Variants in SORCS1 observed in about 807,000 individuals in gnomAD.
SORCS1 encodes sortilin related VPS10 domain containing receptor 1.
SORCS1 carries 60 observed loss-of-function variants against 146.1 expected under a neutral mutation model. That is an observed-to-expected ratio of 0.41 (90% confidence interval 0.33 to 0.51). SORCS1 has a LOEUF of 0.51. SORCS1 is among the 20% of genes least tolerant of loss of function. The pLI is 0.21. For synonymous variants in SORCS1, 637 were observed against 584.0 expected, an observed-to-expected ratio of 1.09 and a Z score of -1.31; for missense variants, 1,352 against 1,487.6, an observed-to-expected ratio of 0.91 and a Z score of 1.50.
chr10:106,627,047 G>T (rs755399026), intron 19 of SORCS1, among the ~76,000 whole-genome samples: 5 of 152,194 alleles, frequency 3.3e-5, no homozygotes, highest in Non-Finnish European at 7.3e-5. Context: ...GAAGAAACTG[G>T]TTTCTTTTAG....
Position 107,109,767 on chromosome 10 carries a change from T to C in SORCS1, c.558+54202A>G, listed in dbSNP as rs537069775. ...TCCTTTCTGTGTCACGTGGCTAGGC[T>C]GCAGATTTTCTAAACTTTTACATTC... On this transcript the variant is annotated intron_variant, in intron 1 of 25. Transcript: ENST00000263054. Among the ~76,000 whole-genome samples the C allele has an allele frequency of 2.0e-5, 3 of 152,358 alleles. No individual in the cohort carries two copies. In the East Asian group the frequency reaches 5.8e-4, roughly 29 times the overall value.
intron 2 of SORCS1, among the ~76,000 whole-genome samples, chr10:106,881,416 G>A (rs75814757): frequency 0.038 from 5,722 of 152,248 alleles, 139 homozygotes; most frequent in Middle Eastern, 0.058. Context: ...AGAAACAAAA[G>A]CTCCAAAGGT....
chr10:107,051,361 G>C (rs1325517129), intron 1 of SORCS1, among the ~76,000 whole-genome samples: 1 of 152,072 alleles, frequency 6.6e-6, no homozygotes, highest in Non-Finnish European at 1.5e-5. Context: ...TCTGAGCTGA[G>C]AGCCATTTTG....
rs996890690 is a variant in SORCS1 at position 107,067,387 on chromosome 10, A to T, written c.558+96582T>A. Among the ~76,000 whole-genome samples, 3 of 152,046 alleles carry T rather than the reference A, an allele frequency of 2.0e-5. No individual in the cohort carries two copies. In the East Asian group the frequency reaches 5.8e-4, roughly 29 times the overall value. On this transcript the variant is annotated intron_variant, in intron 1 of 25. Transcript: ENST00000263054. ...CTAATCCTTGCGTGTATCTGGGAAAAGATCATATTGGCCTCATAGACTTGT... is the reference window on the plus strand; with the variant it reads ...CTAATCCTTGCGTGTATCTGGGAAATGATCATATTGGCCTCATAGACTTGT...
chr10:106,820,438 G>C (rs983002240), intron 3 of SORCS1, among the ~76,000 whole-genome samples: 2 of 152,132 alleles, frequency 1.3e-5, no homozygotes, highest in Non-Finnish European at 2.9e-5. Flanking sequence ...ATGCTTTGAG[G>C]AACAAAGGGA....
upstream of SORCS1, among the ~76,000 whole-genome samples, chr10:107,165,323 T>TGTGTGTGTGTGTGTGTGTGTG (rs1970017278): frequency 4.1e-5 from 3 of 72,530 alleles, no homozygotes; most frequent in African/African-American, 1.6e-4. The surrounding 1 kb of genome is among the most constrained non-coding windows in gnomAD (Gnocchi z 4.0). Context: ...GTGTGTGTGT[T>TGTGTGTGTGTGTGTGTGTGTG]AGTTTGGGGG....
chr10:106,788,853 C>T (rs1477174280), intron 3 of SORCS1, among the ~76,000 whole-genome samples: 4 of 152,212 alleles, frequency 2.6e-5, no homozygotes, highest in African/African-American at 7.2e-5. Context: ...TAGGCAGTGC[C>T]CCAGTGGGCA....
intron 1 of SORCS1, among the ~76,000 whole-genome samples, chr10:107,025,835 G>T (rs1365538659): frequency 1.3e-5 from 2 of 152,162 alleles, no homozygotes; most frequent in East Asian, 1.9e-4. Context: ...ATCTGACAAC[G>T]GCAGTCAGCA....
intron 1 of SORCS1, among the ~76,000 whole-genome samples, chr10:107,013,434 G>A (rs1179474318): frequency 6.6e-6 from 1 of 152,042 alleles, no homozygotes; most frequent in Non-Finnish European, 1.5e-5. Flanking sequence ...GGTTAACCTG[G>A]AGTCACACAC....
chr10:106,844,443 G>T (rs896515921), intron 2 of SORCS1, among the ~76,000 whole-genome samples: 7 of 151,788 alleles, frequency 4.6e-5, no homozygotes, highest in Admixed American at 2.0e-4. Context: ...ATGGTTTCAG[G>T]ACTTATGTTT....
intron 18 of SORCS1, among the ~76,000 whole-genome samples, chr10:106,648,016 C>T (rs1006663984): frequency 3.3e-5 from 5 of 151,124 alleles, no homozygotes; most frequent in Admixed American, 6.6e-5. Flanking sequence ...CACAGACACA[C>T]GACACCACGC....
At chr10:106,880,256 A>G (rs1002674304) in intron 2 of SORCS1, among the ~76,000 whole-genome samples, 1 of 152,250 alleles carries the variant, frequency 6.6e-6, no homozygotes, top group Non-Finnish European at 1.5e-5. Context: ...CAAAGGTACA[A>G]AAAGAATTGT....
intron 3 of SORCS1, among the ~76,000 whole-genome samples, chr10:106,793,899 C>A (rs183850815): frequency 6.6e-6 from 1 of 152,356 alleles, no homozygotes; most frequent in African/African-American, 2.4e-5. Flanking sequence ...CAATTTAACA[C>A]TTGCCAACAA....
chr10:107,130,573 G>A (rs550196237), intron 1 of SORCS1, among the ~76,000 whole-genome samples: 1 of 152,122 alleles, frequency 6.6e-6, no homozygotes, highest in Non-Finnish European at 1.5e-5. Context: ...GCTGACAAGA[G>A]CTTCTGTGCA....
chr10:107,178,079 T>C, the SORCS1 span, among the ~76,000 whole-genome samples: 3 of 152,076 alleles, frequency 2.0e-5, no homozygotes, highest in Non-Finnish European at 4.4e-5. Flanking sequence ...GATGGGATGA[T>C]CTCTGCAGCA....
intron 1 of SORCS1, among the ~76,000 whole-genome samples, chr10:107,042,528 C>T (rs1176366594): frequency 2.0e-5 from 3 of 152,084 alleles, no homozygotes; most frequent in Non-Finnish European, 4.4e-5. Flanking sequence ...TGGGCAATAT[C>T]TTCCTTGCAC....
At chr10:106,832,830 TA>T (rs200576322) in intron 2 of SORCS1, among the ~76,000 whole-genome samples, 2,616 of 152,186 alleles carry the variant, frequency 0.017, 41 homozygotes, top group Non-Finnish European at 0.025. Context: ...AAAAAGAGAC[TA>T]AAAAAGTAGG....
intron 1 of SORCS1, among the ~76,000 whole-genome samples, chr10:107,080,146 C>T (rs72812923): frequency 0.01 from 1,546 of 152,232 alleles, 13 homozygotes; most frequent in South Asian, 0.027. Context: ...TTTTGAACAA[C>T]CTGCTTCTAA....
intron 3 of SORCS1, among the ~76,000 whole-genome samples, chr10:106,786,771 TATG>T (rs1206237711): frequency 6.6e-6 from 1 of 152,176 alleles, no homozygotes; most frequent in South Asian, 2.1e-4. Flanking sequence ...TAAAAATAGA[TATG>T]ATAAAAAGTT....
Sources: gnomAD v4.1 joint callset for allele counts (sites outside exome capture counted in the v4.1 genomes callset) on GRCh38, gnomAD v4.1.1 for gene constraint, Gnocchi (gnomAD v3.1) non-coding constraint, MANE v1.5 for transcripts, NCBI Gene and HGNC (gene_info 2026-07-23, HGNC 2026-07-21) for gene names.